Variants in CDH18 observed in about 807,000 individuals in gnomAD.
CDH18 encodes cadherin-18.
Under a neutral mutation model 67.9 loss-of-function variants are expected in CDH18, and 31 were observed. The ratio of observed to expected loss-of-function variants is 0.46; its 90% CI spans 0.34 to 0.62. The LOEUF (loss-of-function observed/expected upper bound fraction) is 0.62, where lower values mean the gene tolerates loss of function less well. Ranked by LOEUF, CDH18 falls within the 20% of genes least tolerant of loss-of-function variation. The probability of loss-of-function intolerance (pLI) is 0.01; values close to 1 mark genes in which losing one functional copy is unlikely to be tolerated. For synonymous variants in CDH18, 362 were observed against 347.2 expected (o/e 1.04, Z -0.48); for missense variants, 890 against 975.5 (o/e 0.91, Z 1.17).
intron 6 of CDH18, among the ~76,000 whole-genome samples, chr5:19,607,520 T>A (rs1242948640): frequency 1.3e-5 from 2 of 150,518 alleles, no homozygotes; most frequent in South Asian, 4.2e-4. Context: ...AAAAAGTGAA[T>A]GGAGGACAAA....
At position 20,479,990 on chromosome 5, in the gene CDH18, G is replaced by T. The variant is rs142998558; in HGVS notation, c.-580+95472C>A. ...GGAGAGAGTGGCATGACATATATGTGGTGCTGAGATAAATAAATTTTATCG... is the reference window on the plus strand; with the variant it reads ...GGAGAGAGTGGCATGACATATATGTTGTGCTGAGATAAATAAATTTTATCG... On this transcript the variant is annotated intron_variant, in intron 1 of 14. Coordinates refer to the CDH18 transcript ENST00000507958. Among the ~76,000 whole-genome samples, 608 of 152,128 alleles carry T rather than the reference G, an allele frequency of 4.0e-3. 6 individuals carry two copies. The highest frequency in any genetic ancestry group is 0.014 in the African/African-American group (581 of 41,532).
intron 1 of CDH18, among the ~76,000 whole-genome samples, chr5:20,488,700 T>TATATATATATATATATATATATAC (rs369185147): frequency 1.1e-4 from 15 of 137,284 alleles, no homozygotes; most frequent in African/African-American, 3.2e-4. Flanking sequence ...TATATATATA[T>TATATATATATATATATATATATAC]ACACACACAT....
chr5:19,584,822 A>G (rs949512213), intron 7 of CDH18, among the ~76,000 whole-genome samples: 6 of 149,678 alleles, frequency 4.0e-5, no homozygotes, highest in South Asian at 2.1e-4. Context: ...AGAAAAAAAG[A>G]AAAAGAAAAA....
rs183859294 is a variant in CDH18 at position 20,388,111 on chromosome 5, T to C, written c.-579-132606A>G. On this transcript the variant is annotated intron_variant, in intron 1 of 14. Transcript: ENST00000507958. Reference sequence around the variant, plus strand: ...TGAGTTAGGGAGGATTCCCTCTTTTTCTGTTGATTGGAATAGTGTCAGAAG... The same window carrying C: ...TGAGTTAGGGAGGATTCCCTCTTTTCCTGTTGATTGGAATAGTGTCAGAAG... Among the ~76,000 whole-genome samples the C allele has an allele frequency of 2.6e-5, 4 of 152,318 alleles. No homozygotes were observed. The East Asian group carries it at 7.7e-4, about 29-fold the overall frequency.
intron 1 of CDH18, among the ~76,000 whole-genome samples, chr5:20,300,139 C>G (rs1180364641): frequency 2.6e-5 from 4 of 152,080 alleles, no homozygotes; most frequent in African/African-American, 9.7e-5. Context: ...AATCTTTCCT[C>G]TTAGTGGAGC....
chr5:19,735,086 G>T (rs1181360130), intron 4 of CDH18, among the ~76,000 whole-genome samples: 1 of 152,012 alleles, frequency 6.6e-6, no homozygotes. Context: ...ATCTAACCAG[G>T]TAAATAAAAG....
At chr5:19,727,255 T>C (rs184817602) in intron 4 of CDH18, among the ~76,000 whole-genome samples, 81 of 152,238 alleles carry the variant, frequency 5.3e-4, no homozygotes, top group Admixed American at 4.6e-3. Context: ...TCTTTAGAAA[T>C]AGTACTTTTT....
intron 1 of CDH18, among the ~76,000 whole-genome samples, chr5:20,570,920 G>A (rs1241333607): frequency 1.3e-5 from 2 of 152,130 alleles, no homozygotes; most frequent in Admixed American, 1.3e-4. Flanking sequence ...ATTTTGTAGA[G>A]AAAACAATTC....
chr5:19,510,189 C>T (rs1011968439), intron 10 of CDH18, among the ~76,000 whole-genome samples: 6 of 152,118 alleles, frequency 3.9e-5, no homozygotes, highest in Admixed American at 6.6e-5. Context: ...GTTTCTTATT[C>T]CAACTCTGCA....
intron 1 of CDH18, among the ~76,000 whole-genome samples, chr5:20,573,703 G>T (rs1397527334): frequency 6.7e-6 from 1 of 149,512 alleles, no homozygotes; most frequent in African/African-American, 2.4e-5. Flanking sequence ...TGTGAATTTG[G>T]CATGATACTG....
chr5:20,525,557 G>C (rs1755999371), intron 1 of CDH18, among the ~76,000 whole-genome samples: 1 of 152,064 alleles, frequency 6.6e-6, no homozygotes, highest in African/African-American at 2.4e-5. Context: ...GAGAAAAAGA[G>C]AAGGAGCTGG....
intron 11 of CDH18, among the ~76,000 whole-genome samples, chr5:19,496,222 G>A (rs142735809): frequency 1.8e-3 from 281 of 152,234 alleles, no homozygotes; most frequent in African/African-American, 6.3e-3. Context: ...ACAAATCAGA[G>A]ACAAACTGAA....
intron 2 of CDH18, among the ~76,000 whole-genome samples, chr5:20,148,374 T>C (rs376618772): frequency 1.2e-4 from 18 of 152,064 alleles, no homozygotes; most frequent in Non-Finnish European, 1.5e-4. Context: ...TGGGATTACA[T>C]GCGTGAGCCA....
chr5:20,232,769 T>C (rs1320241127), intron 2 of CDH18, among the ~76,000 whole-genome samples: 1 of 152,236 alleles, frequency 6.6e-6, no homozygotes. Context: ...ATTTATGCAA[T>C]AGTTGAAAGT....
intron 2 of CDH18, among the ~76,000 whole-genome samples, chr5:19,845,966 T>C (rs1003210803): frequency 2.6e-5 from 4 of 152,030 alleles, no homozygotes; most frequent in Non-Finnish European, 5.9e-5. Context: ...ATTCAGCCAC[T>C]ATTTTTTGAT....
intron 2 of CDH18, among the ~76,000 whole-genome samples, chr5:20,007,751 G>A (rs1404845273): frequency 6.7e-6 from 1 of 149,632 alleles, no homozygotes; most frequent in Non-Finnish European, 1.5e-5. Context: ...GTTTTTGTAT[G>A]GTATGTGAAC....
intron 1 of CDH18, among the ~76,000 whole-genome samples, chr5:20,333,520 A>AAT (rs141580496): frequency 0.08 from 9,272 of 115,610 alleles, 470 homozygotes; most frequent in South Asian, 0.21. Context: ...AAAAAAAAAC[A>AAT]ATATATATAC....
intron 1 of CDH18, among the ~76,000 whole-genome samples, chr5:20,267,551 T>C (rs1745134971): frequency 6.6e-6 from 1 of 152,234 alleles, no homozygotes; most frequent in Admixed American, 6.5e-5. Flanking sequence ...TTTTTCCATT[T>C]GTTTGTGTCA....
intron 1 of CDH18, among the ~76,000 whole-genome samples, chr5:20,294,441 C>T (rs1462390859): frequency 3.9e-5 from 6 of 152,106 alleles, no homozygotes; most frequent in Non-Finnish European, 8.8e-5. Flanking sequence ...TTTGATTTCC[C>T]CTCAAAGGAG....
Sources: allele counts gnomAD v4.1 joint callset (sites outside exome capture counted in the v4.1 genomes callset), GRCh38; gene constraint gnomAD v4.1.1; transcripts MANE v1.5; gene names NCBI Gene and HGNC (gene_info 2026-07-23, HGNC 2026-07-21).